MYH10: variants seen among roughly 807,000 people sequenced by gnomAD.
MYH10 encodes myosin-10.
MYH10 carries 55 observed loss-of-function variants against 257.8 expected under a neutral mutation model. The observed-to-expected ratio is 0.21, with a 90% CI of 0.17 to 0.27. The LOEUF (loss-of-function observed/expected upper bound fraction) is 0.27, where lower values mean the gene tolerates loss of function less well. Ranked by LOEUF, MYH10 falls within the 10% of genes least tolerant of loss-of-function variation. The pLI is 1.00. For synonymous variants in MYH10, 854 were observed against 921.7 expected (o/e 0.93, Z 1.33); for missense variants, 1,631 against 2,500.6 (o/e 0.65, Z 7.42).
At chr17:8,615,915 C>G (rs1025857794) in intron 2 of MYH10, among the ~76,000 whole-genome samples, 1 of 152,144 alleles carries the variant, frequency 6.6e-6, no homozygotes, top group African/African-American at 2.4e-5. Context: ...TACAAGGATG[C>G]CTCTGATTAT....
At chr17:8,564,512 T>C (rs570977795) in intron 7 of MYH10, among the ~76,000 whole-genome samples, 13 of 152,304 alleles carry the variant, frequency 8.5e-5, no homozygotes, top group African/African-American at 2.9e-4. Flanking sequence ...GGATCTAGCA[T>C]ATGCACTACC....
chr17:8,609,548 C>T (rs1001942006), intron 2 of MYH10, among the ~76,000 whole-genome samples: 4 of 151,778 alleles, frequency 2.6e-5, no homozygotes, highest in African/African-American at 9.7e-5. Context: ...ATATCTGTAA[C>T]AGAATATAGT....
chr17:8,572,261 T>TGA (rs66710491), intron 6 of MYH10, among the ~76,000 whole-genome samples: 21 of 147,418 alleles, frequency 1.4e-4, no homozygotes, highest in African/African-American at 5.4e-4. Context: ...TGTGTGTGAG[T>TGA]GAGAGAGAGA....
chr17:8,541,357 G>A (rs541486511), intron 14 of MYH10, among the ~76,000 whole-genome samples: 1 of 152,280 alleles, frequency 6.6e-6, no homozygotes, highest in South Asian at 2.1e-4. Flanking sequence ...GATATCGGTG[G>A]TTAATCATGT....
chr17:8,543,850 A>C (rs1423944432), intron 13 of MYH10, among the ~76,000 whole-genome samples: 1 of 152,226 alleles, frequency 6.6e-6, no homozygotes, highest in Non-Finnish European at 1.5e-5. Flanking sequence ...TTGATTTTTA[A>C]ATCAATAATG....
Position 8,475,905 on chromosome 17 carries a change from G to A in MYH10, c.5923C>T (p.Arg1975Cys), listed in dbSNP as rs148348930. The A allele has an allele frequency of 1.4e-5, 22 of 1,614,038 alleles. No individual in the cohort carries two copies. The highest frequency in any genetic ancestry group is 5.5e-5 in the South Asian group (5 of 91,096). Residue 1975 changes from arginine (R) to cysteine (C), a missense_variant, in exon 43 of 43, where the codon CGC (arginine) becomes TGC (cysteine). Physicochemically the swap from Arg to Cys is radical, Grantham distance 180. Coordinates refer to ENST00000360416, the MANE Select transcript of MYH10 (RefSeq NM_001256012.3). Reference protein sequence around the residue: ...ISFSSSRSGRRQLHLEGASLE... With the variant: ...ISFSSSRSGRCQLHLEGASLE... The stretch of plus-strand genomic sequence containing the variant: ...GAAGCTCCTTCAAGGTGCAGCTGGC[G>A]CCGGCCAGATCGGCTGGAAGAGAAG...
chr17:8,475,708 G>A lies in MYH10; in HGVS notation c.*96C>T. 1 of 1,409,572 alleles carries A rather than the reference G, an allele frequency of 7.1e-7. No individual in the cohort carries two copies. The highest frequency in any genetic ancestry group is 2.0e-5 in the Admixed American group (1 of 51,032). 87.3% of individuals were successfully genotyped at this position (1,409,572 alleles called of 1,614,324 possible). ...TAAGACACAGTTGATCTTTCAGGAA[G>A]GAATCCCGTAGCTTGCCAATTTCCG... On this transcript the variant is annotated 3_prime_UTR_variant, in exon 43 of 43. Coordinates refer to ENST00000360416, the MANE Select transcript of MYH10 (RefSeq NM_001256012.3).
intron 26 of MYH10, among the ~76,000 whole-genome samples, chr17:8,507,929 G>A (rs1225455433): frequency 3.3e-5 from 5 of 151,906 alleles, no homozygotes; most frequent in African/African-American, 7.3e-5. Flanking sequence ...CCAAGATTGC[G>A]CCACTGCACT....
intron 6 of MYH10, among the ~76,000 whole-genome samples, chr17:8,574,024 C>A (rs2039381967): frequency 6.6e-6 from 1 of 152,162 alleles, no homozygotes; most frequent in Admixed American, 6.5e-5. Context: ...AATTTTACCT[C>A]TAGGTAGCTA....
rs2082677830 is a variant in MYH10, at chr17:8,552,731, C to T, written c.821-587G>A. 2.0e-5 allele frequency among the ~76,000 whole-genome samples: 3 copies of T among 152,324 alleles called. No individual in the cohort carries two copies. The South Asian group carries it at 6.2e-4, about 32-fold the overall frequency. ...CCTTCACACTCAGCAGCACATGTAA[C>T]TTTCCCATATGCCTTGACAGCTACG... is the stretch of plus-strand genomic sequence containing the variant. On this transcript the variant is annotated intron_variant, in intron 8 of 42. Transcript: ENST00000360416. The surrounding 1 kb of genome is among the most constrained non-coding windows in gnomAD (Gnocchi z 4.8).
intron 4 of MYH10, among the ~76,000 whole-genome samples, chr17:8,582,128 A>T (rs1043245238): frequency 2.0e-5 from 3 of 152,248 alleles, no homozygotes; most frequent in African/African-American, 7.2e-5. Context: ...TCTGATTTTA[A>T]TGAAGGAGGT....
At position 8,585,194 on chromosome 17, in the gene MYH10, TTATA is replaced by T. The variant is rs60456638; in HGVS notation, c.530+3883_530+3886del. Among the ~76,000 whole-genome samples, 924 of 146,202 alleles carry T rather than the reference TTATA, an allele frequency of 6.3e-3. 14 individuals are homozygous for T. Among genetic ancestry groups the T allele is most frequent in the African/African-American group, 0.022 (878 of 39,322 alleles). On this transcript the variant is annotated intron_variant, in intron 4 of 42. Coordinates refer to ENST00000360416, the MANE Select transcript of MYH10 (RefSeq NM_001256012.3). ...ATATATATGTGTGTGTGTGTGTATA[TTATA>T]TATATATATGTGTGTGTGTGTACAT...
rs1183339360 is a variant in MYH10 at position 8,535,342 on chromosome 17, A to C, written c.1894+45T>G. The C allele has an allele frequency of 6.9e-7, 1 of 1,445,948 alleles. No individual in the cohort carries two copies. Among genetic ancestry groups the C allele is most frequent in the Non-Finnish European group, 9.6e-7 (1 of 1,037,314 alleles). The allele number at this position is 1,445,948 out of a possible 1,614,324, so 89.6% of individuals were successfully genotyped here. Reference sequence around the variant, plus strand: ...GAACCATCTATAAACCTTAATTATAAAAGATTCCAGCCAAGCATGATTACA... The same window carrying C: ...GAACCATCTATAAACCTTAATTATACAAGATTCCAGCCAAGCATGATTACA... On this transcript the variant is annotated intron_variant, in intron 16 of 42. Coordinates refer to ENST00000360416, the MANE Select transcript of MYH10 (RefSeq NM_001256012.3). This position sits in a 1 kb window ranked among gnomAD's most constrained non-coding sequence, Gnocchi z 4.3.
At chr17:8,562,838 A>G (rs536094009) in intron 7 of MYH10, among the ~76,000 whole-genome samples, 1 of 152,360 alleles carries the variant, frequency 6.6e-6, no homozygotes, top group South Asian at 2.1e-4. Context: ...AAACCCGGAT[A>G]TTTGATATTT....
At chr17:8,589,174 A>C (rs1399155148) in intron 3 of MYH10, 66 bp from the exon 4 acceptor site, 1 of 1,548,446 alleles carries the variant, frequency 6.5e-7, no homozygotes, top group East Asian at 2.3e-5. Flanking sequence ...AAAATATTTG[A>C]TATAATAAAG....
intron 1 of MYH10, 58 bp from the exon 2 acceptor site, chr17:8,623,335 T>C (rs2085540184): frequency 7.0e-7 from 1 of 1,431,488 alleles, no homozygotes; most frequent in Non-Finnish European, 9.2e-7. Context: ...AATGTACACG[T>C]TTTTCTTTTC....
At chr17:8,616,226 T>G (rs898325993) in intron 2 of MYH10, among the ~76,000 whole-genome samples, 1 of 151,866 alleles carries the variant, frequency 6.6e-6, no homozygotes, top group African/African-American at 2.4e-5. Context: ...GAGGCCATAG[T>G]AAGCCATGAG....
chr17:8,532,814 T>A (rs148273574), intron 16 of MYH10, among the ~76,000 whole-genome samples: 98 of 152,322 alleles, frequency 6.4e-4, no homozygotes, highest in African/African-American at 2.2e-3. Flanking sequence ...AGCTCACAGA[T>A]TATTGCCATG....
In MYH10 at chr17:8,518,721, A is replaced by G; in HGVS notation, c.2414T>C (p.Val805Ala). 6.2e-7 allele frequency: 1 copy of G among 1,613,962 alleles called. No homozygotes were observed. The highest frequency in any genetic ancestry group is 8.5e-7 in the Non-Finnish European group (1 of 1,179,952). ...TCTTTCTTCCTCTAAGTGTGCCAGA[A>G]CTCCAGCTCTGAAAAATATCTTGCT... The part of the protein sequence containing the change: ...GQSKIFFRAG[V>A]LAHLEEERDL... Residue 805 changes from valine (V) to alanine (A), a missense_variant, in exon 21 of 43, where the codon GTT (valine) becomes GCT (alanine). Transcript: ENST00000360416.
Sources: allele counts gnomAD v4.1 joint callset (sites outside exome capture counted in the v4.1 genomes callset), GRCh38; gene constraint gnomAD v4.1.1; non-coding constraint Gnocchi (gnomAD v3.1); transcripts MANE v1.5; gene names NCBI Gene and HGNC (gene_info 2026-07-23, HGNC 2026-07-21).